Variants in SPAG17 observed in about 807,000 individuals in gnomAD.
The protein encoded by SPAG17 is sperm associated antigen 17, also known as sperm-associated antigen 17.
A neutral mutation model predicts 273.6 loss-of-function variants in SPAG17; 169 were observed. That is an observed-to-expected ratio of 0.62 (90% CI 0.55 to 0.70). The LOEUF (loss-of-function observed/expected upper bound fraction) is 0.70, where lower values mean the gene tolerates loss of function less well. Among genes scored for constraint, SPAG17 ranks in the 30% least tolerant of loss-of-function variants. The pLI is 0.00. For missense variants in SPAG17, 2,557 were observed against 2,627.8 expected (o/e 0.97, Z 0.59); for synonymous variants, 825 against 873.2 (o/e 0.94, Z 0.97).
At chr1:117,959,218 CCTAA>C (rs1652669766) in intron 48 of SPAG17, 1 of 1,526,528 alleles carries the variant, frequency 6.6e-7, no homozygotes, top group Non-Finnish European at 8.8e-7. Context: ...CTTTGGTTAC[CCTAA>C]CTCTCATACG....
rs1385179604 is a variant in SPAG17, at chr1:117,962,159, T to G, written c.*1640A>C. Reference sequence around the variant, plus strand: ...TAGTGCTAGGGAATGTAAAGATGTTTCTGTCTGCTAAGTGTTATACTAATC... The same window carrying G: ...TAGTGCTAGGGAATGTAAAGATGTTGCTGTCTGCTAAGTGTTATACTAATC... On this transcript the variant is annotated intron_variant, in intron 48 of 48. Transcript: ENST00000336338. The G allele has an allele frequency of 3.9e-5, 6 of 152,242 alleles. No homozygotes were observed. The South Asian group carries it at 6.2e-4, about 16-fold the overall frequency. 9.4% of individuals were successfully genotyped at this position (152,242 alleles called of 1,614,324 possible). A position where few individuals can be genotyped will look rare whatever the true frequency, so the allele number is the denominator to read the frequency against.
intron 32 of SPAG17, among the ~76,000 whole-genome samples, chr1:118,004,855 G>A (rs577168613): frequency 1.8e-4 from 27 of 152,338 alleles, no homozygotes; most frequent in African/African-American, 6.0e-4. Flanking sequence ...GATGAACCAG[G>A]TACTTCAGTT....
chr1:117,996,667 C>A lies in SPAG17; in HGVS notation c.4853G>T (p.Gly1618Val). 6.2e-7 allele frequency: 1 copy of A among 1,612,634 alleles called. No individual in the cohort carries two copies. The highest frequency in any genetic ancestry group is 8.5e-7 in the Non-Finnish European group (1 of 1,179,250). Residue 1618 changes from glycine (G) to valine (V), a missense_variant, in exon 33 of 49, where the codon GGC (glycine) becomes GTC (valine). Gly to Val is a moderately radical substitution (Grantham distance 109). Transcript: ENST00000336338. ...GTGCATAGAGGACAGACTATCATAG[C>A]CCTCAGTTTTCTCATTTAAATCATC... Reference protein sequence around the residue: ...LEDDLNEKTEGYDSLSSMHLE... With the variant: ...LEDDLNEKTEVYDSLSSMHLE...
intron 7 of SPAG17, among the ~76,000 whole-genome samples, chr1:118,095,733 C>A (rs1655666646): frequency 6.6e-6 from 1 of 152,194 alleles, no homozygotes; most frequent in Non-Finnish European, 1.5e-5. Context: ...TTAGTATAAT[C>A]TAGAGTTTCA....
At chr1:118,155,257 T>A (rs1291512980) in intron 1 of SPAG17, among the ~76,000 whole-genome samples, 2 of 152,222 alleles carry the variant, frequency 1.3e-5, no homozygotes, top group Admixed American at 6.5e-5. Flanking sequence ...AGGAAAGTAT[T>A]CATGTAAATG....
chr1:118,158,378 CCATA>C (rs2102365628), intron 1 of SPAG17, among the ~76,000 whole-genome samples: 1 of 152,222 alleles, frequency 6.6e-6, no homozygotes, highest in African/African-American at 2.4e-5. Flanking sequence ...TCTGAGGTGG[CCATA>C]CAGAGGACTA....
At chr1:118,088,138 T>C (rs1558004047) in intron 10 of SPAG17, among the ~76,000 whole-genome samples, 2 of 152,192 alleles carry the variant, frequency 1.3e-5, no homozygotes, top group Non-Finnish European at 2.9e-5. Flanking sequence ...AAAAGATCAC[T>C]CAAATCTGTT....
chr1:118,144,464 G>A (rs1310810783), intron 3 of SPAG17, among the ~76,000 whole-genome samples: 2 of 152,020 alleles, frequency 1.3e-5, no homozygotes, highest in Admixed American at 1.3e-4. Context: ...CCAGATTTTG[G>A]CACAAGAACT....
intron 17 of SPAG17, 85 bp downstream of exon 17, chr1:118,073,769 T>A: frequency 2.4e-6 from 2 of 837,126 alleles, no homozygotes; most frequent in Non-Finnish European, 3.8e-6. Context: ...TCTGAGAGAA[T>A]GACCTGGAGG....
At chr1:117,959,516 G>T (rs1179292198) in intron 48 of SPAG17, 8 of 1,431,076 alleles carry the variant, frequency 5.6e-6, no homozygotes, top group Non-Finnish European at 7.4e-6. Context: ...AAGCACAGAA[G>T]AGTTGGCGTC....
intron 23 of SPAG17, among the ~76,000 whole-genome samples, chr1:118,037,770 A>C (rs1452357882): frequency 6.6e-6 from 1 of 152,144 alleles, no homozygotes; most frequent in African/African-American, 2.4e-5. Flanking sequence ...GGTTGATTCC[A>C]TTTCTTTGCT....
intron 1 of SPAG17, among the ~76,000 whole-genome samples, chr1:118,151,626 C>T (rs1050262614): frequency 3.3e-5 from 5 of 152,200 alleles, no homozygotes; most frequent in South Asian, 4.1e-4. Flanking sequence ...TTTTTTAAAA[C>T]GACACTTTCA....
chr1:118,005,780 GC>G lies in SPAG17; in HGVS notation c.4588-179del, dbSNP rs909054575. The stretch of plus-strand genomic sequence containing the variant: ...TTGGAAAGGGCTACTCGATAAAGAG[GC>G]AAACTGAATAGTTAGGATATCATTT... On this transcript the variant is annotated intron_variant, in intron 31 of 48. Transcript: ENST00000336338. Among the ~76,000 whole-genome samples, 149 of 152,252 alleles carry G rather than the reference GC, an allele frequency of 9.8e-4. 2 individuals carry two copies. The highest frequency in any genetic ancestry group is 3.5e-3 in the African/African-American group (144 of 41,544).
At chr1:118,021,366 A>G (rs974406754) in intron 28 of SPAG17, among the ~76,000 whole-genome samples, 1 of 152,080 alleles carries the variant, frequency 6.6e-6, no homozygotes, top group African/African-American at 2.4e-5. Flanking sequence ...TATACAGACA[A>G]TAAAAAGGTC....
rs771579428 is a variant in SPAG17, at chr1:118,115,456, A to G, written c.316-15T>C. 4 of 1,597,796 alleles carry G rather than the reference A, an allele frequency of 2.5e-6. No individual in the cohort carries two copies. The highest frequency in any genetic ancestry group is 1.1e-5 in the South Asian group (1 of 88,346). On this transcript the variant is annotated splice_polypyrimidine_tract_variant and intron_variant, in intron 3 of 48. Coordinates refer to ENST00000336338, the MANE Select transcript of SPAG17 (RefSeq NM_206996.4). ...GCCGTTAACACCTATACAGAAACAC[A>G]ATTATTAGAAAAAGTGATGTTTTAT...
intron 1 of SPAG17, among the ~76,000 whole-genome samples, chr1:118,165,256 C>T (rs997823521): frequency 6.6e-6 from 1 of 152,132 alleles, no homozygotes; most frequent in African/African-American, 2.4e-5. Flanking sequence ...GGATTTTCAT[C>T]TCTTACAAGT....
chr1:118,067,993 T>A (rs1305768721), intron 17 of SPAG17, among the ~76,000 whole-genome samples: 1 of 152,162 alleles, frequency 6.6e-6, no homozygotes, highest in African/African-American at 2.4e-5. Flanking sequence ...CAGCTGCTTA[T>A]CCTGTTTCCT....
At chr1:118,012,487 T>C in intron 29 of SPAG17, 115 bp from the exon 30 acceptor site, 2 of 1,211,334 alleles carry the variant, frequency 1.7e-6, no homozygotes, top group Non-Finnish European at 2.3e-6. Flanking sequence ...TATTTATTTA[T>C]AGGCAAAGTT....
rs146561480 is a variant in SPAG17, at chr1:117,968,741, T to G, written c.6387+1315A>C. ...GTGTGAGCCTATAACTGGGGCTGCT[T>G]TAAGAGCTTCAGACTCAGGGAGCAT... On this transcript the variant is annotated intron_variant, in intron 46 of 48. Coordinates refer to ENST00000336338, the MANE Select transcript of SPAG17 (RefSeq NM_206996.4). Among the ~76,000 whole-genome samples the G allele has an allele frequency of 3.3e-3, 508 of 152,278 alleles. 2 individuals are homozygous for G. Among genetic ancestry groups the G allele is most frequent in the African/African-American group, 0.012 (490 of 41,544 alleles).
Sources: allele counts gnomAD v4.1 joint callset (sites outside exome capture counted in the v4.1 genomes callset), GRCh38; gene constraint gnomAD v4.1.1; transcripts MANE v1.5; gene names NCBI Gene and HGNC (gene_info 2026-07-23, HGNC 2026-07-21).